The following DENND1A variants were observed in gnomAD, a reference collection of about 807,000 sequenced individuals.
DENND1A encodes DENN domain-containing protein 1A.
DENND1A carries 51 observed loss-of-function variants against 113.7 expected under a neutral mutation model. That is an observed-to-expected ratio of 0.45 (90% CI 0.36 to 0.57). DENND1A has a LOEUF of 0.57. Among genes scored for constraint, DENND1A ranks in the 20% least tolerant of loss-of-function variants. The pLI is 0.00. For missense variants in DENND1A, 1,258 were observed against 1,395.9 expected (o/e 0.90, Z 1.57); for synonymous variants, 565 against 570.8 (o/e 0.99, Z 0.14).
intron 5 of DENND1A, among the ~76,000 whole-genome samples, chr9:123,706,567 C>A (rs1272531617): frequency 6.6e-6 from 1 of 150,922 alleles, no homozygotes; most frequent in African/African-American, 2.4e-5. Flanking sequence ...GTCAGGAAAT[C>A]GAGACCATCC....
chr9:123,728,884 C>A (rs1026998325), intron 5 of DENND1A, among the ~76,000 whole-genome samples: 25 of 152,050 alleles, frequency 1.6e-4, no homozygotes, highest in African/African-American at 5.8e-4. Flanking sequence ...ACTGGCAAAC[C>A]AAATCCAGCA....
chr9:123,787,024 G>A (rs995242613), intron 3 of DENND1A, among the ~76,000 whole-genome samples: 13 of 151,944 alleles, frequency 8.6e-5, no homozygotes, highest in Non-Finnish European at 1.8e-4. Flanking sequence ...AGGCCCCAAG[G>A]ACCACAAACC....
intron 2 of DENND1A, among the ~76,000 whole-genome samples, chr9:123,833,948 C>G (rs188030153): frequency 6.6e-6 from 1 of 152,040 alleles, no homozygotes; most frequent in Non-Finnish European, 1.5e-5. Context: ...CCCAGCTACT[C>G]GGGAGGCTGA....
At chr9:123,522,479 G>C (rs2054474663) in intron 13 of DENND1A, among the ~76,000 whole-genome samples, 1 of 152,206 alleles carries the variant, frequency 6.6e-6, no homozygotes, top group Non-Finnish European at 1.5e-5. Context: ...CATAGCAACA[G>C]CAGCCACACA....
At chr9:123,854,340 T>A (rs1298507970) in intron 2 of DENND1A, among the ~76,000 whole-genome samples, 1 of 152,186 alleles carries the variant, frequency 6.6e-6, no homozygotes, top group Non-Finnish European at 1.5e-5. Context: ...AGATGTTTAA[T>A]ATTTTGTCTC....
intron 2 of DENND1A, among the ~76,000 whole-genome samples, chr9:123,841,886 T>C (rs893916084): frequency 6.6e-6 from 1 of 152,170 alleles, no homozygotes; most frequent in African/African-American, 2.4e-5. Context: ...CATACCTGAT[T>C]TTTTAAATGT....
intron 9 of DENND1A, among the ~76,000 whole-genome samples, chr9:123,632,179 G>A (rs924556709): frequency 1.3e-5 from 2 of 152,076 alleles, no homozygotes; most frequent in South Asian, 2.1e-4. Flanking sequence ...TTAAAGCCAG[G>A]GCTGCTACTC....
intron 5 of DENND1A, among the ~76,000 whole-genome samples, chr9:123,701,338 C>A (rs1341957194): frequency 6.6e-6 from 1 of 152,194 alleles, no homozygotes; most frequent in African/African-American, 2.4e-5. Context: ...AAGAAAGACA[C>A]ATCAAAGAGG....
chr9:123,437,126 C>T (rs1464651370), intron 19 of DENND1A, among the ~76,000 whole-genome samples: 1 of 152,130 alleles, frequency 6.6e-6, no homozygotes, highest in African/African-American at 2.4e-5. Context: ...TGTCTTTATC[C>T]CTCTGATTGG....
intron 1 of DENND1A, among the ~76,000 whole-genome samples, chr9:123,921,956 C>G (rs1030984074): frequency 6.7e-6 from 1 of 149,324 alleles, no homozygotes; most frequent in Non-Finnish European, 1.5e-5. Context: ...GGGTCTCACT[C>G]TGTCACCCAG....
intron 12 of DENND1A, among the ~76,000 whole-genome samples, chr9:123,567,683 T>C (rs764231596): frequency 1.3e-5 from 2 of 152,206 alleles, no homozygotes; most frequent in African/African-American, 2.4e-5. Context: ...CAGTCAGACA[T>C]GTGAATGTCT....
At chr9:123,768,982 A>G (rs191465818) in intron 4 of DENND1A, among the ~76,000 whole-genome samples, 15 of 152,128 alleles carry the variant, frequency 9.9e-5, no homozygotes, top group Admixed American at 4.6e-4. Context: ...TAATCTCAAA[A>G]TCTATAGAAA....
intron 10 of DENND1A, among the ~76,000 whole-genome samples, chr9:123,621,362 T>G (rs1304487794): frequency 3.3e-5 from 5 of 152,000 alleles, no homozygotes; most frequent in East Asian, 1.9e-4. Flanking sequence ...ATTTTTTCTA[T>G]TTTTAGTAGA....
chr9:123,444,563 A>T (rs1229449925), intron 18 of DENND1A, among the ~76,000 whole-genome samples: 1 of 152,198 alleles, frequency 6.6e-6, no homozygotes, highest in Non-Finnish European at 1.5e-5. Context: ...CTGAGGCAAG[A>T]AAATTGCATG....
In DENND1A at chr9:123,497,929, T is replaced by A. The variant is rs948571977; in HGVS notation, c.994-40032A>T. Among the ~76,000 whole-genome samples, 3 of 151,894 alleles carry A rather than the reference T, an allele frequency of 2.0e-5. No homozygotes were observed. In the East Asian group the frequency reaches 5.8e-4, roughly 29 times the overall value. ...AGCCACAAAAGGAGCAGTTACTTCA[T>A]CAACCCAGACCCCATGCTAGCAGAG... On this transcript the variant is annotated intron_variant, in intron 13 of 23. Coordinates refer to ENST00000394215, the MANE Select transcript of DENND1A (RefSeq NM_001352964.2).
intron 2 of DENND1A, among the ~76,000 whole-genome samples, chr9:123,846,795 G>C (rs1302013800): frequency 6.6e-6 from 1 of 152,094 alleles, no homozygotes; most frequent in East Asian, 1.9e-4. Flanking sequence ...CTGCACAACA[G>C]TGTTAAACAT....
At chr9:123,884,624 T>C (rs1268735749) in intron 1 of DENND1A, among the ~76,000 whole-genome samples, 1 of 152,080 alleles carries the variant, frequency 6.6e-6, no homozygotes, top group Admixed American at 6.5e-5. Flanking sequence ...CTAGGACAAT[T>C]ATACCATTTC....
At chr9:123,557,528 C>A in intron 13 of DENND1A, 42 bp downstream of exon 13, 1 of 1,608,926 alleles carries the variant, frequency 6.2e-7, no homozygotes, top group Non-Finnish European at 8.5e-7. Flanking sequence ...GCTTCTCAGC[C>A]CTGACCAAAC....
At chr9:123,761,707 T>C (rs1214258836) in intron 4 of DENND1A, among the ~76,000 whole-genome samples, 1 of 152,190 alleles carries the variant, frequency 6.6e-6, no homozygotes, top group Admixed American at 6.5e-5. Context: ...CTCTAAAAGA[T>C]TGTTTCCTTG....
Sources: allele counts gnomAD v4.1 joint callset (sites outside exome capture counted in the v4.1 genomes callset), GRCh38; gene constraint gnomAD v4.1.1; transcripts MANE v1.5; gene names NCBI Gene and HGNC (gene_info 2026-07-23, HGNC 2026-07-21).